Variants in VWA8 observed in about 807,000 individuals in gnomAD.
The protein encoded by VWA8 is von Willebrand factor A domain-containing protein 8.
Under a neutral mutation model 241.5 loss-of-function variants are expected in VWA8, and 221 were observed. That is an observed-to-expected ratio of 0.91 (90% CI 0.82 to 1.02). VWA8 has a LOEUF of 1.02. Among genes scored for constraint, VWA8 ranks in the 50% least tolerant of loss-of-function variants. VWA8 has a pLI of 0.00. For missense variants in VWA8, 2,322 were observed against 2,328.7 expected, an observed-to-expected ratio of 1.00 and a Z score of 0.06; for synonymous variants, 852 against 827.1, an observed-to-expected ratio of 1.03 and a Z score of -0.52.
chr13:41,916,634 A>G lies in VWA8; in HGVS notation c.242-4466T>C, dbSNP rs78420837. 6.3e-3 allele frequency among the ~76,000 whole-genome samples: 959 copies of G among 152,328 alleles called. 6 individuals are homozygous for G. Among genetic ancestry groups the G allele is most frequent in the African/African-American group, 0.022 (911 of 41,580 alleles). On this transcript the variant is annotated intron_variant, in intron 2 of 44. Transcript: ENST00000379310. ...TTACCAAAAAGCATGTCTATATTTA[A>G]TTTGTCAGGAAATTGCACTAAACTA... is the stretch of plus-strand genomic sequence containing the variant.
At chr13:41,890,817 G>A (rs2138084486) in intron 5 of VWA8, among the ~76,000 whole-genome samples, 1 of 152,298 alleles carries the variant, frequency 6.6e-6, no homozygotes, top group African/African-American at 2.4e-5. Flanking sequence ...CCCCCAAATG[G>A]ATGCACTGTT....
intron 25 of VWA8, among the ~76,000 whole-genome samples, chr13:41,720,710 C>A (rs781530327): frequency 6.6e-6 from 1 of 152,082 alleles, no homozygotes; most frequent in Admixed American, 6.6e-5. Context: ...TCTCCCTGCC[C>A]CACCTTTCTA....
intron 5 of VWA8, 125 bp from the exon 6 acceptor site, chr13:41,887,486 C>G: frequency 9.5e-7 from 1 of 1,055,108 alleles, no homozygotes; most frequent in Non-Finnish European, 1.3e-6. Context: ...ACTCTCAAAT[C>G]CATACTGTCA....
At chr13:41,586,883 G>T (rs190420530) in intron 42 of VWA8, among the ~76,000 whole-genome samples, 1 of 152,134 alleles carries the variant, frequency 6.6e-6, no homozygotes, top group African/African-American at 2.4e-5. Context: ...TCTGGTAAGG[G>T]CCAGAAGTGC....
chr13:41,867,709 A>T (rs1217338231), intron 10 of VWA8, among the ~76,000 whole-genome samples: 1 of 152,188 alleles, frequency 6.6e-6, no homozygotes, highest in Non-Finnish European at 1.5e-5. Flanking sequence ...AATATCAAAT[A>T]TTAAAACAAA....
At position 41,594,100 on chromosome 13, in the gene VWA8, T is replaced by C. The variant is rs912758762; in HGVS notation, c.4987-3335A>G. On this transcript the variant is annotated intron_variant, in intron 40 of 44. Transcript: ENST00000379310. ...ATGTAAAGAGCCACTGTAATGGCTA[T>C]AGATTGTCATTTTTGTAATTTTTGT... is the stretch of plus-strand genomic sequence containing the variant. 9.3e-5 allele frequency among the ~76,000 whole-genome samples: 14 copies of C among 151,274 alleles called. No individual in the cohort carries two copies. In the South Asian group the frequency reaches 1.3e-3, roughly 14 times the overall value.
chr13:41,959,242 T>C (rs1468509051), intron 1 of VWA8, among the ~76,000 whole-genome samples: 2 of 152,156 alleles, frequency 1.3e-5, no homozygotes, highest in Non-Finnish European at 2.9e-5. Flanking sequence ...ATTCTTCTTA[T>C]CCTTTTACAG....
At chr13:41,773,937 A>T (rs1224478909) in intron 20 of VWA8, among the ~76,000 whole-genome samples, 3 of 152,184 alleles carry the variant, frequency 2.0e-5, no homozygotes, top group African/African-American at 7.2e-5. Context: ...TGGGCTACTT[A>T]ACTATTTACT....
At chr13:41,675,373 TTATC>T in intron 35 of VWA8, 77 bp from the exon 36 acceptor site, 1 of 1,073,840 alleles carries the variant, frequency 9.3e-7, no homozygotes, top group Non-Finnish European at 1.4e-6. Context: ...TGGAATCAAG[TTATC>T]TGTAGCCTAG....
rs1873406878 is a variant in VWA8, at chr13:41,868,336, G to A, written c.1212+10C>T. On this transcript the variant is annotated intron_variant, in intron 10 of 44. Transcript: ENST00000379310. The stretch of plus-strand genomic sequence containing the variant: ...TATATCATAGAAAGAATAAACCTGT[G>A]ATTAATTACCTTAATGGTCACCTCT... 6.2e-7 allele frequency: 1 copy of A among 1,613,460 alleles called. No individual in the cohort carries two copies. Among genetic ancestry groups the A allele is most frequent in the Non-Finnish European group, 8.5e-7 (1 of 1,179,818 alleles).
chr13:41,570,413 T>C, intron 44 of VWA8, 55 bp downstream of exon 44: 1 of 1,490,886 alleles, frequency 6.7e-7, no homozygotes, highest in Non-Finnish European at 9.3e-7. Context: ...CAGCATGTGT[T>C]AGCTACTCAG....
chr13:41,615,054 C>T lies in VWA8; in HGVS notation c.4642G>A (p.Val1548Ile). 6.2e-7 allele frequency: 1 copy of T among 1,613,984 alleles called. No homozygotes were observed. The change falls in exon 38 of 45, where the codon GTA (valine) becomes ATA (isoleucine). Residue 1548 changes from valine (V) to isoleucine (I), a missense_variant. By Grantham distance (29) the Val-to-Ile change is conservative (BLOSUM62 3). Transcript: ENST00000379310. ...TCCTTCCCGTGTTTGGGGGAGCTTA[C>T]ATCTTCACCACTGTCTCTGTTGATT... ...ITINRDSGED[V>I]SSPKHGKEDP...
In VWA8 at chr13:41,830,548, C is replaced by T. The variant is rs1374603133; in HGVS notation, c.1681G>A (p.Asp561Asn). 1.9e-6 allele frequency: 3 copies of T among 1,613,742 alleles called. No homozygotes were observed. The highest frequency in any genetic ancestry group is 1.3e-5 in the African/African-American group (1 of 75,026). The change falls in exon 14 of 45, where the codon GAT becomes AAT. Residue 561 changes from aspartate to asparagine, a missense_variant. Coordinates refer to ENST00000379310, the MANE Select transcript of VWA8 (RefSeq NM_015058.2). ...AATTACCTCTTCTGTAGCTGTTCAT[C>T]AGACAGTTGCAGCTCCTCCTTTAAA... is the stretch of plus-strand genomic sequence containing the variant. ...MRLKEELQLS[D>N]EQLQKRSIFP... is the part of the protein sequence containing the mutation.
chr13:41,761,150 G>C lies in VWA8; in HGVS notation c.2404C>G (p.Arg802Gly), dbSNP rs368033977. 6.2e-7 allele frequency: 1 copy of C among 1,611,510 alleles called. No individual in the cohort carries two copies. The highest frequency in any genetic ancestry group is 1.1e-5 in the South Asian group (1 of 90,952). ...TACCTGTGTAGCTGAATATATTCTCGGGGTCTGTTGAGCAGGTGAAGGAAT... is the reference window on the plus strand; with the variant it reads ...TACCTGTGTAGCTGAATATATTCTCCGGGTCTGTTGAGCAGGTGAAGGAAT... Reference protein sequence around the residue: ...DRFLHLLNRPREYIQLHRDTT... With the variant: ...DRFLHLLNRPGEYIQLHRDTT... The change falls in exon 21 of 45, where the codon CGA becomes GGA. Residue 802 changes from arginine (R) to glycine (G), a missense_variant. Physicochemically the swap from Arg to Gly is moderately radical, Grantham distance 125. Transcript: ENST00000379310.
chr13:41,851,041 C>T (rs1872512395), intron 12 of VWA8, among the ~76,000 whole-genome samples: 1 of 152,202 alleles, frequency 6.6e-6, no homozygotes, highest in South Asian at 2.1e-4. Flanking sequence ...TTCAGGTCTA[C>T]TGTCTTCGCA....
At chr13:41,831,415 C>T (rs1167071046) in intron 13 of VWA8, among the ~76,000 whole-genome samples, 1 of 152,120 alleles carries the variant, frequency 6.6e-6, no homozygotes. Context: ...TCTCGTCTTC[C>T]ATAACGTTAA....
Position 41,568,220 on chromosome 13 carries a change from A to G in VWA8, c.5695T>C (p.Ser1899Pro), listed in dbSNP as rs1274497752. 1 of 1,614,018 alleles carries G rather than the reference A, an allele frequency of 6.2e-7. No homozygotes were observed. Among genetic ancestry groups the G allele is most frequent in the Non-Finnish European group, 8.5e-7 (1 of 1,179,920 alleles). The change falls in exon 45 of 45, where the codon TCC becomes CCC. Residue 1899 changes from serine (S) to proline (P), a missense_variant. Ser to Pro is a moderately conservative substitution (Grantham distance 74). Coordinates refer to ENST00000379310, the MANE Select transcript of VWA8 (RefSeq NM_015058.2). ...IPQILQQIFT[S>P]TMLSSV ...TCTTAGACACTCGACAACATGGTGG[A>G]GGTGAAGATCTGTTGTAAAATCTGA... is the stretch of plus-strand genomic sequence containing the variant.
chr13:41,681,486 G>A (rs2045098390), intron 35 of VWA8, among the ~76,000 whole-genome samples: 2 of 151,956 alleles, frequency 1.3e-5, no homozygotes. Flanking sequence ...TTTACACAAA[G>A]TTTAAAAACA....
chr13:41,782,830 G>A (rs1868949340), intron 19 of VWA8, among the ~76,000 whole-genome samples: 1 of 151,670 alleles, frequency 6.6e-6, no homozygotes, highest in South Asian at 2.1e-4. Flanking sequence ...TATATTATAG[G>A]TAATTTTCTC....
Sources: gnomAD v4.1 joint callset for allele counts (sites outside exome capture counted in the v4.1 genomes callset) on GRCh38, gnomAD v4.1.1 for gene constraint, MANE v1.5 for transcripts, NCBI Gene and HGNC (gene_info 2026-07-23, HGNC 2026-07-21) for gene names.